The following TPPP variants were observed in gnomAD, a reference collection of about 807,000 sequenced individuals.
The protein encoded by TPPP is tubulin polymerization-promoting protein.
A neutral mutation model predicts 15.5 loss-of-function variants in TPPP; 6 were observed. The ratio of observed to expected loss-of-function variants is 0.39; its 90% confidence interval spans 0.21 to 0.77. The LOEUF (loss-of-function observed/expected upper bound fraction) is 0.77. TPPP is among the 30% of genes least tolerant of loss of function. The pLI is 0.42. For synonymous variants in TPPP, 146 were observed against 133.9 expected (o/e 1.09, Z -0.63); for missense variants, 269 against 307.2 (o/e 0.88, Z 0.93).
chr5:671,410 CCA>C (rs1234763432), intron 2 of TPPP, among the ~76,000 whole-genome samples: 6 of 152,250 alleles, frequency 3.9e-5, no homozygotes, highest in East Asian at 1.9e-4. Context: ...TCCATCCACC[CCA>C]GTCTCGGCCT....
intron 1 of TPPP, among the ~76,000 whole-genome samples, chr5:678,859 G>A (rs2126904528): frequency 6.6e-6 from 1 of 152,318 alleles, no homozygotes; most frequent in South Asian, 2.1e-4. Flanking sequence ...AGGGCTTGGG[G>A]ACGCAGGGCT....
At chr5:682,150 C>T (rs972084927) in intron 1 of TPPP, among the ~76,000 whole-genome samples, 12 of 150,374 alleles carry the variant, frequency 8.0e-5, no homozygotes, top group Non-Finnish European at 1.3e-4. Flanking sequence ...GCTGGGGAAA[C>T]AGCAGCCCCA....
chr5:663,888 G>A lies in TPPP; in HGVS notation c.*1214C>T, dbSNP rs1047947565. ...AGTGGCAGTGTGCCATTGTGACAGCGGGTGGCCACACCCGTCAGCCTCCCC... is the reference window on the plus strand; with the variant it reads ...AGTGGCAGTGTGCCATTGTGACAGCAGGTGGCCACACCCGTCAGCCTCCCC... On this transcript the variant is annotated 3_prime_UTR_variant, in exon 4 of 4. Coordinates refer to ENST00000360578, the MANE Select transcript of TPPP (RefSeq NM_007030.3). The A allele has an allele frequency of 1.3e-5, 2 of 152,470 alleles. No homozygotes were observed. The highest frequency in any genetic ancestry group is 2.9e-5 in the Non-Finnish European group (2 of 68,210). 9.4% of individuals were successfully genotyped at this position (152,470 alleles called of 1,614,324 possible).
At chr5:686,525 G>A (rs1362281614) in intron 1 of TPPP, among the ~76,000 whole-genome samples, 18 of 147,866 alleles carry the variant, frequency 1.2e-4, no homozygotes, top group Admixed American at 8.0e-4. Context: ...GGTTACCCTC[G>A]GGGCTCCGGG....
At chr5:679,444 GGGGGTGGAAGGGCCA>G (rs1338489337) in intron 1 of TPPP, among the ~76,000 whole-genome samples, 11 of 149,614 alleles carry the variant, frequency 7.4e-5, no homozygotes, top group Middle Eastern at 3.5e-3. Flanking sequence ...GCAGGATCCT[GGGGGTGGAAGGGCCA>G]GGTCAGGTGT....
In TPPP at chr5:665,836, G is replaced by A. The variant is rs1173463796; in HGVS notation, c.465+134C>T. ...CACCAGGCCACGCCCTCCTGACCAC[G>A]CCTCCCAGGACCCCCCCCAGGTCAC... On this transcript the variant is annotated intron_variant, in intron 3 of 3. Coordinates refer to ENST00000360578, the MANE Select transcript of TPPP (RefSeq NM_007030.3). 4 of 970,148 alleles carry A rather than the reference G, an allele frequency of 4.1e-6. No individual in the cohort carries two copies. In the East Asian group the frequency reaches 1.0e-4, roughly 24 times the overall value. 60.1% of individuals were successfully genotyped at this position (970,148 alleles called of 1,614,324 possible). A position where few individuals can be genotyped will look rare whatever the true frequency, so the allele number is the denominator to read the frequency against.
rs1361046507 is a variant in TPPP at position 662,887 on chromosome 5, T to C, written c.*2215A>G. The C allele has an allele frequency of 7.0e-6, 1 of 143,752 alleles. No individual in the cohort carries two copies. The highest frequency in any genetic ancestry group is 1.5e-5 in the Non-Finnish European group (1 of 65,966). The allele number at this position is 143,752 out of a possible 1,614,324, so 8.9% of individuals were successfully genotyped here. A position where few individuals can be genotyped will look rare whatever the true frequency, so the allele number is the denominator to read the frequency against. Reference sequence around the variant, plus strand: ...CTCGTCTGTGATCGGGTGATTCCGATGACTGCTCGTCTGTGATCGGGCGAT... The same window carrying C: ...CTCGTCTGTGATCGGGTGATTCCGACGACTGCTCGTCTGTGATCGGGCGAT... On this transcript the variant is annotated 3_prime_UTR_variant, in exon 4 of 4. Coordinates refer to ENST00000360578, the MANE Select transcript of TPPP (RefSeq NM_007030.3).
intron 1 of TPPP, among the ~76,000 whole-genome samples, chr5:692,095 GACAGCAGCCTCCCAACCCCACATCAAA>G (rs1740895271): frequency 1.9e-5 from 1 of 53,468 alleles, no homozygotes; most frequent in Non-Finnish European, 3.3e-5. Flanking sequence ...CCCCCATCAA[GACAGCAGCCTCCCAACCCCACATCAAA>G]ACAGCAGCCC....
intron 2 of TPPP, among the ~76,000 whole-genome samples, chr5:670,327 T>C (rs1302635603): frequency 1.3e-5 from 2 of 152,248 alleles, no homozygotes; most frequent in African/African-American, 4.8e-5. Flanking sequence ...CCAGCTCCCC[T>C]GGGCTCTCTG....
Position 662,992 on chromosome 5 carries a change from T to A in TPPP, c.*2110A>T, listed in dbSNP as rs1465591517. The A allele has an allele frequency of 6.6e-6, 1 of 150,826 alleles. No homozygotes were observed. 9.3% of individuals were successfully genotyped at this position (150,826 alleles called of 1,614,324 possible). On this transcript the variant is annotated 3_prime_UTR_variant, in exon 4 of 4. Transcript: ENST00000360578. ...CGGGTGATTCCGATGACTGCTCGTC[T>A]GTGATCGGGCGAGTCTGGTGACCGC...
Position 661,673 on chromosome 5 carries a change from CCAAA to C in TPPP, c.*3425_*3428del, listed in dbSNP as rs1363604084. The stretch of plus-strand genomic sequence containing the variant: ...CTGTTATGTGCAGTGGGGCTGCCGT[CCAAA>C]CAATGTTCTGTGTTCGGAGGCGGCA... On this transcript the variant is annotated 3_prime_UTR_variant, in exon 4 of 4. Transcript: ENST00000360578. The C allele has an allele frequency of 6.6e-6, 1 of 152,388 alleles. No individual in the cohort carries two copies. The highest frequency in any genetic ancestry group is 1.5e-5 in the Non-Finnish European group (1 of 68,052). The allele number at this position is 152,388 out of a possible 1,614,324, so 9.4% of individuals were successfully genotyped here.
chr5:697,581 G>A (rs567036486), upstream of TPPP, among the ~76,000 whole-genome samples: 1 of 151,994 alleles, frequency 6.6e-6, no homozygotes, highest in Non-Finnish European at 1.5e-5. Context: ...GGCTTTCAGA[G>A]GCAGTGGGCA....
intron 2 of TPPP, among the ~76,000 whole-genome samples, chr5:669,697 C>T (rs1740130069): frequency 6.6e-6 from 1 of 152,096 alleles, no homozygotes; most frequent in Non-Finnish European, 1.5e-5. Context: ...TCAGAGGCGA[C>T]ATTCAGATCC....
At chr5:697,118 C>A (rs376636404), upstream of TPPP, among the ~76,000 whole-genome samples, 10,493 of 150,294 alleles carry the variant, frequency 0.07, 308 homozygotes, top group African/African-American at 0.24. Context: ...TCTGGTTATT[C>A]TGGGGGTGGA....
rs796903849 is a variant in TPPP, at chr5:666,185, C to T, written c.312-62G>A. The T allele has an allele frequency of 2.7e-5, 42 of 1,574,396 alleles. No individual in the cohort carries two copies. In the African/African-American group the frequency reaches 2.8e-4, roughly 11 times the overall value. On this transcript the variant is annotated intron_variant, in intron 2 of 3. Transcript: ENST00000360578. ...CCGGCCCAGGGCTGCCCTCCCCACG[C>T]GTGGGTCTGAGCAGAGCTGGACAGC...
intron 1 of TPPP, among the ~76,000 whole-genome samples, chr5:681,649 C>T (rs73730914): frequency 0.15 from 22,629 of 152,022 alleles, 2,979 homozygotes; most frequent in African/African-American, 0.36. Context: ...CCAGGACCTG[C>T]TTGGAGGCTG....
intron 2 of TPPP, 106 bp downstream of exon 2, chr5:677,644 C>T: frequency 9.2e-7 from 1 of 1,090,578 alleles, no homozygotes; most frequent in Non-Finnish European, 1.3e-6. Flanking sequence ...TGAAGCACAA[C>T]CCCCTCCACT....
intron 2 of TPPP, among the ~76,000 whole-genome samples, chr5:667,438 C>T (rs1402968873): frequency 1.3e-5 from 2 of 152,120 alleles, no homozygotes; most frequent in Non-Finnish European, 2.9e-5. Context: ...AGATGACGGT[C>T]CTAATTATGA....
chr5:681,606 G>A (rs1740624020), intron 1 of TPPP, among the ~76,000 whole-genome samples: 1 of 152,162 alleles, frequency 6.6e-6, no homozygotes, highest in Non-Finnish European at 1.5e-5. Flanking sequence ...CCCTTCCCTG[G>A]CCAGACCCTA....
Sources: allele counts gnomAD v4.1 joint callset (sites outside exome capture counted in the v4.1 genomes callset), GRCh38; gene constraint gnomAD v4.1.1; transcripts MANE v1.5; gene names NCBI Gene and HGNC (gene_info 2026-07-23, HGNC 2026-07-21).